PCM1: variants seen among roughly 807,000 people sequenced by gnomAD.
The protein encoded by PCM1 is pericentriolar material 1 protein.
In PCM1, 157 loss-of-function variants were observed where a neutral mutation model predicts 241.9. The ratio of observed to expected loss-of-function variants is 0.65; its 90% CI spans 0.57 to 0.74. PCM1 has a LOEUF of 0.74. Ranked by LOEUF, PCM1 falls within the 30% of genes least tolerant of loss-of-function variation. PCM1 has a pLI of 0.00. For missense variants in PCM1, 3,478 were observed against 2,360.1 expected (o/e 1.47, Z -9.81); for synonymous variants, 1,085 against 784.9 (o/e 1.38, Z -6.39).
intron 29 of PCM1, among the ~76,000 whole-genome samples, chr8:17,998,059 A>T (rs2087620037): frequency 6.6e-6 from 1 of 151,800 alleles, no homozygotes; most frequent in Admixed American, 6.6e-5. Flanking sequence ...AAAATTCTGA[A>T]TTCCCTTCCT....
At chr8:17,984,968 A>G (rs561314616) in intron 24 of PCM1, among the ~76,000 whole-genome samples, 2 of 152,070 alleles carry the variant, frequency 1.3e-5, no homozygotes, top group African/African-American at 2.4e-5. Context: ...TTAGTAGACT[A>G]TACTGGATAG....
intron 36 of PCM1, among the ~76,000 whole-genome samples, chr8:18,020,654 C>T (rs1437742290): frequency 5.3e-5 from 8 of 152,296 alleles, no homozygotes; most frequent in Admixed American, 2.6e-4. Context: ...AGAAGAAATA[C>T]TGAGCAAGAC....
intron 23 of PCM1, among the ~76,000 whole-genome samples, chr8:17,977,929 T>C (rs911072154): frequency 6.6e-6 from 1 of 152,120 alleles, no homozygotes; most frequent in Non-Finnish European, 1.5e-5. Context: ...CCAGTGAATA[T>C]AACAGTGCAT....
Position 17,963,097 on chromosome 8 carries a change from A to G in PCM1, c.2464-4A>G. The G allele has an allele frequency of 6.3e-7, 1 of 1,595,588 alleles. No individual in the cohort carries two copies. Among genetic ancestry groups the G allele is most frequent in the Admixed American group, 1.8e-5 (1 of 56,758 alleles). On this transcript the variant is annotated splice_region_variant and splice_polypyrimidine_tract_variant and intron_variant, in intron 16 of 38. Transcript: ENST00000325083. ...ATTTAACTCTGGTTTCTTAAAAAAA[A>G]TAGTTGTGGTCAGAAATGAGAAGAC...
chr8:17,969,351 A>G (rs1023364493), intron 21 of PCM1: 3 of 403,524 alleles, frequency 7.4e-6, no homozygotes, highest in Non-Finnish European at 1.3e-5. Flanking sequence ...TCTAACTTTT[A>G]GCTCTTAAGG....
rs575684660 is a variant in PCM1, at chr8:17,996,262, CA to C, written c.4827+2646del. Reference sequence around the variant, plus strand: ...ATCATGAAAGGATGTTGAATTTTATCAAATGGTTTTTCAGCATCAGTTAAAA... The same window carrying C: ...ATCATGAAAGGATGTTGAATTTTATCAATGGTTTTTCAGCATCAGTTAAAA... On this transcript the variant is annotated intron_variant, in intron 29 of 38. Transcript: ENST00000325083. Among the ~76,000 whole-genome samples the C allele has an allele frequency of 2.0e-4, 31 of 152,194 alleles. No individual in the cohort carries two copies. The South Asian group carries it at 6.2e-3, about 31-fold the overall frequency.
chr8:18,020,108 A>G (rs547494311), intron 36 of PCM1, among the ~76,000 whole-genome samples: 1 of 152,290 alleles, frequency 6.6e-6, no homozygotes, highest in South Asian at 2.1e-4. Flanking sequence ...ACCTGGCCTT[A>G]TAACCCCTTC....
At chr8:17,934,386 C>A (rs907393719) in intron 2 of PCM1, among the ~76,000 whole-genome samples, 1 of 151,862 alleles carries the variant, frequency 6.6e-6, no homozygotes, top group Non-Finnish European at 1.5e-5. Context: ...CTCAGCCTCC[C>A]GAGTAGCTGG....
At chr8:17,952,088 AG>A (rs2066241901) in intron 8 of PCM1, among the ~76,000 whole-genome samples, 1 of 151,930 alleles carries the variant, frequency 6.6e-6, no homozygotes, top group African/African-American at 2.4e-5. Context: ...CCAGGTGTGG[AG>A]GCATGCACCT....
At chr8:17,975,593 C>T (rs897441271) in intron 23 of PCM1, among the ~76,000 whole-genome samples, 55 of 152,036 alleles carry the variant, frequency 3.6e-4, no homozygotes, top group Non-Finnish European at 4.4e-5. Flanking sequence ...GAATTGGGAA[C>T]GGATATGACA....
chr8:17,998,152 A>G (rs1219297782), intron 29 of PCM1, among the ~76,000 whole-genome samples: 1 of 152,046 alleles, frequency 6.6e-6, no homozygotes, highest in Non-Finnish European at 1.5e-5. Flanking sequence ...TCTCTCCAGG[A>G]TTGGCCACTG....
At chr8:18,017,156 A>G (rs967798814) in intron 36 of PCM1, among the ~76,000 whole-genome samples, 1 of 105,652 alleles carries the variant, frequency 9.5e-6, no homozygotes, top group African/African-American at 3.3e-5. Context: ...ACTGGAAAAC[A>G]TCTAGAAGCT....
At chr8:17,991,844 C>T in intron 28 of PCM1, 144 bp downstream of exon 28, 1 of 522,686 alleles carries the variant, frequency 1.9e-6, no homozygotes. Context: ...TTGTTTGATC[C>T]CTCACCCCCT....
chr8:17,952,946 T>A, intron 8 of PCM1, 24 bp from the exon 9 acceptor site: 2 of 1,429,084 alleles, frequency 1.4e-6, no homozygotes, highest in Non-Finnish European at 1.9e-6. Context: ...TAATTCTTCT[T>A]TTTTGTTGTT....
chr8:17,979,264 C>T (rs1358164628), intron 23 of PCM1, among the ~76,000 whole-genome samples: 1 of 152,100 alleles, frequency 6.6e-6, no homozygotes, highest in Non-Finnish European at 1.5e-5. Flanking sequence ...TCTGTCCCAC[C>T]ATCATTATTT....
chr8:17,927,715 T>C (rs1417015277), intron 2 of PCM1: 2 of 151,832 alleles, frequency 1.3e-5, no homozygotes, highest in African/African-American at 4.8e-5. Context: ...CACGTCCGAC[T>C]AATTTTTGTA....
At chr8:17,975,266 C>A (rs1834185746) in intron 23 of PCM1, among the ~76,000 whole-genome samples, 1 of 152,128 alleles carries the variant, frequency 6.6e-6, no homozygotes, top group African/African-American at 2.4e-5. Flanking sequence ...CGGGTTCAAA[C>A]AATTCTCCTG....
chr8:17,930,508 G>T (rs2058655541), intron 2 of PCM1, among the ~76,000 whole-genome samples: 2 of 152,130 alleles, frequency 1.3e-5, no homozygotes, highest in South Asian at 4.1e-4. Context: ...TGACATTTAG[G>T]TGGTTAAAGA....
In PCM1 at chr8:17,960,298, T is replaced by C. The variant is rs1586879476; in HGVS notation, c.2193-17T>C. ...ATTTTATTGGAGTCCATAAATATAA[T>C]GTCAATTTAATTGTAGAGAGAAATT... On this transcript the variant is annotated splice_polypyrimidine_tract_variant and intron_variant, in intron 14 of 38. Coordinates refer to ENST00000325083, the MANE Select transcript of PCM1 (RefSeq NM_006197.4). The C allele has an allele frequency of 2.5e-6, 4 of 1,593,920 alleles. No individual in the cohort carries two copies. Among genetic ancestry groups the C allele is most frequent in the South Asian group, 2.3e-5 (2 of 86,488 alleles).
Sources: gnomAD v4.1 joint callset for allele counts (sites outside exome capture counted in the v4.1 genomes callset) on GRCh38, gnomAD v4.1.1 for gene constraint, MANE v1.5 for transcripts, NCBI Gene and HGNC (gene_info 2026-07-23, HGNC 2026-07-21) for gene names.